Variants in ANKS1B observed in about 807,000 individuals in gnomAD.
ANKS1B encodes the protein ankyrin repeat and sterile alpha motif domain containing 1B.
In ANKS1B, 36 loss-of-function variants were observed where a neutral mutation model predicts 148.3. The observed-to-expected ratio is 0.24, with a 90% CI of 0.19 to 0.32. The LOEUF (loss-of-function observed/expected upper bound fraction) is 0.32, where lower values mean the gene tolerates loss of function less well. Among genes scored for constraint, ANKS1B ranks in the 10% least tolerant of loss-of-function variants. The probability of loss-of-function intolerance (pLI) is 1.00; values close to 1 mark genes in which losing one functional copy is unlikely to be tolerated. For missense variants in ANKS1B, 1,157 were observed against 1,542.6 expected, an observed-to-expected ratio of 0.75 and a Z score of 4.19; for synonymous variants, 542 against 560.8, an observed-to-expected ratio of 0.97 and a Z score of 0.47.
At position 99,244,340 on chromosome 12, in the gene ANKS1B, A is replaced by G; in HGVS notation, c.2419+2T>C. On this transcript the variant is annotated splice_donor_variant, in intron 14 of 26. Transcript: ENST00000683438. LOFTEE classifies it high-confidence loss of function. ...TTATAATGTAGAGGAAGGTTGCCTT[A>G]CTTGTGGTCTCACCATTCATCTCTT... 6.2e-7 allele frequency: 1 copy of G among 1,600,290 alleles called. No homozygotes were observed. Among genetic ancestry groups the G allele is most frequent in the South Asian group, 1.1e-5 (1 of 89,230 alleles).
intron 14 of ANKS1B, chr12:99,154,848 C>A: frequency 6.5e-7 from 1 of 1,530,220 alleles, no homozygotes; most frequent in Non-Finnish European, 8.7e-7. Flanking sequence ...CTCCCCCTCG[C>A]TCGCTCCCCT....
chr12:98,740,493 C>G (rs971199777), downstream of ANKS1B, among the ~76,000 whole-genome samples: 3 of 152,220 alleles, frequency 2.0e-5, no homozygotes, highest in Admixed American at 6.5e-5. Context: ...GGGATCTTTC[C>G]TGCTCAGGTT....
At chr12:99,716,001 G>A (rs1313394052) in intron 8 of ANKS1B, among the ~76,000 whole-genome samples, 1 of 152,098 alleles carries the variant, frequency 6.6e-6, no homozygotes, top group East Asian at 1.9e-4. Context: ...ACGTTTCAGA[G>A]GTGTCTGACC....
chr12:99,220,188 C>A (rs1566662732), intron 14 of ANKS1B, among the ~76,000 whole-genome samples: 1 of 152,022 alleles, frequency 6.6e-6, no homozygotes, highest in Non-Finnish European at 1.5e-5. Flanking sequence ...TGAGTAGAGA[C>A]AGGGTTTCAT....
rs1413947512 is a variant in ANKS1B, at chr12:99,653,671, TTTC to T, written c.1272+1393_1272+1395del. Among the ~76,000 whole-genome samples, 14 of 137,342 alleles carry T rather than the reference TTTC, an allele frequency of 1.0e-4. No homozygotes were observed. The East Asian group carries it at 2.4e-3, about 23-fold the overall frequency. 90.1% of individuals were successfully genotyped at this position (137,342 alleles called of 152,430 possible). A position where few individuals can be genotyped will look rare whatever the true frequency, so the allele number is the denominator to read the frequency against. ...GAAGACATTTTTTTCTCTTCCTTTC[TTTC>T]TTTCTTTTTTTTTTTTTTTTTTTGA... is the stretch of plus-strand genomic sequence containing the variant. On this transcript the variant is annotated intron_variant, in intron 9 of 26. Coordinates refer to ENST00000683438, the MANE Select transcript of ANKS1B (RefSeq NM_001352186.2).
At chr12:99,194,043 G>A (rs998481204) in intron 14 of ANKS1B, among the ~76,000 whole-genome samples, 11 of 151,544 alleles carry the variant, frequency 7.3e-5, no homozygotes, top group African/African-American at 2.2e-4. Flanking sequence ...CTCGTGATCC[G>A]CCCGCCTCAG....
chr12:99,641,320 T>G (rs987869710), intron 9 of ANKS1B, among the ~76,000 whole-genome samples: 1 of 152,160 alleles, frequency 6.6e-6, no homozygotes, highest in African/African-American at 2.4e-5. Context: ...AGAGGGTGAG[T>G]TACTTGCCCA....
intron 15 of ANKS1B, among the ~76,000 whole-genome samples, chr12:99,125,428 CA>C (rs2064047589): frequency 1.3e-5 from 2 of 152,202 alleles, no homozygotes; most frequent in South Asian, 4.1e-4. Flanking sequence ...GAAATGTACC[CA>C]GGGCTCTTTT....
At chr12:99,275,050 T>C (rs769577880) in intron 12 of ANKS1B, among the ~76,000 whole-genome samples, 13 of 152,202 alleles carry the variant, frequency 8.5e-5, no homozygotes, top group Non-Finnish European at 1.3e-4. Context: ...TAATTGTTTT[T>C]ATTTTAAAAT....
At chr12:98,776,181 C>G (rs1170222783) in intron 24 of ANKS1B, among the ~76,000 whole-genome samples, 2 of 152,252 alleles carry the variant, frequency 1.3e-5, no homozygotes, top group Non-Finnish European at 2.9e-5. Context: ...GTCAAGGATA[C>G]TACAGTTGTA....
intron 15 of ANKS1B, among the ~76,000 whole-genome samples, chr12:99,096,862 T>C (rs1049621136): frequency 1.3e-5 from 2 of 152,192 alleles, no homozygotes; most frequent in Non-Finnish European, 1.5e-5. Flanking sequence ...ATTCAACTGG[T>C]ACTAAAAGCA....
rs117584275 is a variant in ANKS1B at position 99,474,906 on chromosome 12, G to A, written c.1438+29570C>T. The stretch of plus-strand genomic sequence containing the variant: ...GAAAAGAGTGAAAATATTTATTTTT[G>A]TTGATTACATGATTATATATCCAAA... On this transcript the variant is annotated intron_variant, in intron 10 of 26. Coordinates refer to ENST00000683438, the MANE Select transcript of ANKS1B (RefSeq NM_001352186.2). 6.1e-3 allele frequency among the ~76,000 whole-genome samples: 934 copies of A among 151,934 alleles called. 4 individuals are homozygous for A. The highest frequency in any genetic ancestry group is 0.011 in the Non-Finnish European group (719 of 67,932).
intron 14 of ANKS1B, among the ~76,000 whole-genome samples, chr12:99,171,850 G>A (rs1429933062): frequency 6.6e-6 from 1 of 152,128 alleles, no homozygotes; most frequent in African/African-American, 2.4e-5. Flanking sequence ...CATTGAGCCA[G>A]TCTGTGTGAC....
chr12:98,743,462 A>T (rs1844653086), downstream of ANKS1B, among the ~76,000 whole-genome samples: 1 of 152,136 alleles, frequency 6.6e-6, no homozygotes, highest in South Asian at 2.1e-4. Context: ...ATGGTTATTG[A>T]AGTTATCAAT....
chr12:99,813,340 T>C (rs1366632685), intron 2 of ANKS1B, among the ~76,000 whole-genome samples: 2 of 151,474 alleles, frequency 1.3e-5, no homozygotes, highest in Non-Finnish European at 3.0e-5. Flanking sequence ...AAGCAAATTC[T>C]ATTAACTCAC....
In ANKS1B at chr12:98,808,462, G is replaced by A. The variant is rs552518772; in HGVS notation, c.3067-544C>T. On this transcript the variant is annotated intron_variant, in intron 19 of 26. Transcript: ENST00000683438. ...AACTCGGTAGTTAACAAAGGAAGAC[G>A]TGTCAGCTTGCTACCCAGCACTGGG... 3.9e-5 allele frequency among the ~76,000 whole-genome samples: 6 copies of A among 152,278 alleles called. No homozygotes were observed. The East Asian group carries it at 5.8e-4, about 15-fold the overall frequency.
intron 19 of ANKS1B, among the ~76,000 whole-genome samples, chr12:98,819,195 C>T (rs2099165324): frequency 6.6e-6 from 1 of 152,148 alleles, no homozygotes. Context: ...ATAAAAACTG[C>T]TTTATCTGGA....
chr12:98,957,356 T>TGAGACGG, intron 17 of ANKS1B, among the ~76,000 whole-genome samples: 1 of 125,748 alleles, frequency 8.0e-6, no homozygotes, highest in African/African-American at 3.2e-5. Context: ...TTTATTTATT[T>TGAGACGG]ATTTATTTTG....
intron 19 of ANKS1B, among the ~76,000 whole-genome samples, chr12:98,812,463 G>C (rs1450466995): frequency 6.6e-6 from 1 of 152,220 alleles, no homozygotes; most frequent in Non-Finnish European, 1.5e-5. Context: ...GCATTTCTCA[G>C]AACGTATCCC....
Sources: gnomAD v4.1 joint callset for allele counts (sites outside exome capture counted in the v4.1 genomes callset) on GRCh38, gnomAD v4.1.1 for gene constraint, MANE v1.5 for transcripts, NCBI Gene and HGNC (gene_info 2026-07-23, HGNC 2026-07-21) for gene names.